Variants in SPANXN2 observed in about 807,000 individuals in gnomAD.
The protein encoded by SPANXN2 is sperm protein associated with the nucleus on the X chromosome N2.
SPANXN2 carries 1 observed loss-of-function variant against 2.0 expected under a neutral mutation model. That is an observed-to-expected ratio of 0.50 (90% CI 0.18 to 2.36). SPANXN2 has a LOEUF of 2.36. SPANXN2 is among the 30% of genes most tolerant of loss of function. The pLI is 0.26. For synonymous variants in SPANXN2, 43 were observed against 49.8 expected (o/e 0.86, Z 0.58); for missense variants, 88 against 116.7 (o/e 0.75, Z 1.13).
chrX:143,713,905 CT>C (rs1932211192), intron 1 of SPANXN2, among the ~76,000 whole-genome samples: 4 of 103,477 alleles, frequency 3.9e-5, no homozygotes, highest in Non-Finnish European at 7.9e-5. Context: ...CTCTCTCTCT[CT>C]CTCTCTCTCT....
exon 1 of SPANXN2, chrX:143,720,641 C>A: frequency 8.3e-7 from 1 of 1,211,344 alleles, no homozygotes; most frequent in Non-Finnish European, 1.1e-6. Context: ...CTCTTCTCCC[C>A]ATTGGTGCTT....
At chrX:143,718,117 CAACT>C (rs1490141440) in intron 1 of SPANXN2, among the ~76,000 whole-genome samples, 3 of 111,341 alleles carry the variant, frequency 2.7e-5, no homozygotes, top group African/African-American at 9.8e-5. Flanking sequence ...TAAAAAACAA[CAACT>C]AACCAAACTC....
At chrX:143,717,607 C>CTGTACTTTCATATG (rs1932290764) in intron 1 of SPANXN2, among the ~76,000 whole-genome samples, 1 of 112,375 alleles carries the variant, frequency 8.9e-6, no homozygotes, top group East Asian at 2.8e-4. Flanking sequence ...AAAAAACCTT[C>CTGTACTTTCATATG]TGTACTTTCA....
chrX:143,712,713 C>T (rs1602677941), intron 1 of SPANXN2, among the ~76,000 whole-genome samples: 1 of 111,149 alleles, frequency 9.0e-6, no homozygotes, highest in African/African-American at 3.3e-5. Flanking sequence ...CACGATTTCG[C>T]AAGTTCTTTG....
At chrX:143,713,610 G>A (rs782205921) in intron 1 of SPANXN2, among the ~76,000 whole-genome samples, 8 of 110,935 alleles carry the variant, frequency 7.2e-5, no homozygotes, top group East Asian at 5.7e-4. Flanking sequence ...TGAATAGTAC[G>A]GGGCTGCCCC....
At chrX:143,718,741 C>T (rs1932312143) in intron 1 of SPANXN2, among the ~76,000 whole-genome samples, 1 of 111,611 alleles carries the variant, frequency 9.0e-6, no homozygotes, top group Non-Finnish European at 1.9e-5. Flanking sequence ...GGTTTCCCTT[C>T]CCCATGACCC....
intron 1 of SPANXN2, among the ~76,000 whole-genome samples, chrX:143,718,051 A>G (rs1932299537): frequency 9.0e-6 from 1 of 111,409 alleles, no homozygotes; most frequent in South Asian, 3.8e-4. Context: ...AAGGCTCTAA[A>G]CATTAAATGG....
chrX:143,720,533 C>T, intron 1 of SPANXN2, 58 bp downstream of exon 1: 2 of 1,158,086 alleles, frequency 1.7e-6, no homozygotes, highest in Non-Finnish European at 2.3e-6. Flanking sequence ...TTGAGCCGTC[C>T]CTTCTCTGTG....
chrX:143,714,029 C>A (rs1236352024), intron 1 of SPANXN2, among the ~76,000 whole-genome samples: 1 of 108,469 alleles, frequency 9.2e-6, no homozygotes, highest in Non-Finnish European at 1.9e-5. Context: ...TTCAACCTGG[C>A]CAACACACCC....
In SPANXN2 at chrX:143,712,441, GT is replaced by G. The variant is rs1932180438; in HGVS notation, c.136del (p.Thr46GlnfsTer2). 1.7e-6 allele frequency: 2 copies of G among 1,212,041 alleles called. No homozygotes were observed. Among genetic ancestry groups the G allele is most frequent in the Non-Finnish European group, 2.2e-6 (2 of 895,601 alleles). On this transcript the variant is annotated frameshift_variant, in exon 2 of 2. Transcript: ENST00000598475. LOFTEE classifies it low-confidence loss of function (END_TRUNC). ...CACTATTATTGTTAGATATTCTATT[GT>G]TTTTGTCTTTTGCAAGCTCTGTTTG...
chrX:143,719,214 C>T (rs1257904463), intron 1 of SPANXN2, among the ~76,000 whole-genome samples: 1 of 110,936 alleles, frequency 9.0e-6, no homozygotes, highest in African/African-American at 3.3e-5. Context: ...TGTTACCAGT[C>T]GGATTCCAGA....
chrX:143,716,683 G>A (rs1239580270), intron 1 of SPANXN2, among the ~76,000 whole-genome samples: 1 of 111,747 alleles, frequency 8.9e-6, no homozygotes, highest in Non-Finnish European at 1.9e-5. Flanking sequence ...TCTGTCATCC[G>A]AGGCTGGTCA....
intron 1 of SPANXN2, among the ~76,000 whole-genome samples, chrX:143,717,411 G>A (rs1314561219): frequency 9.0e-6 from 1 of 111,253 alleles, no homozygotes; most frequent in Non-Finnish European, 1.9e-5. Flanking sequence ...TGCCAAAACC[G>A]AGAAAAACCT....
At chrX:143,712,999 C>G (rs782754884) in intron 1 of SPANXN2, among the ~76,000 whole-genome samples, 2 of 111,716 alleles carry the variant, frequency 1.8e-5, no homozygotes, top group African/African-American at 6.5e-5. Context: ...AGTACCCCAG[C>G]CTGTAAGCGG....
chrX:143,720,244 C>T (rs1218891906), intron 1 of SPANXN2, among the ~76,000 whole-genome samples: 1 of 110,885 alleles, frequency 9.0e-6, no homozygotes, highest in Admixed American at 9.6e-5. Context: ...GCCTAATCGT[C>T]GTAACACAAG....
intron 1 of SPANXN2, among the ~76,000 whole-genome samples, chrX:143,712,856 G>A (rs1210001056): frequency 9.0e-6 from 1 of 111,474 alleles, no homozygotes; most frequent in Non-Finnish European, 1.9e-5. Flanking sequence ...ATCTTGCTTG[G>A]CAAAGTTCTA....
At chrX:143,719,563 C>A (rs782126989) in intron 1 of SPANXN2, among the ~76,000 whole-genome samples, 1 of 112,122 alleles carries the variant, frequency 8.9e-6, no homozygotes, top group Non-Finnish European at 1.9e-5. Flanking sequence ...GCCACCATAA[C>A]CTACAACTTT....
intron 1 of SPANXN2, among the ~76,000 whole-genome samples, chrX:143,715,718 C>T (rs782448508): frequency 2.8e-5 from 3 of 106,348 alleles, no homozygotes; most frequent in Non-Finnish European, 5.8e-5. Flanking sequence ...TATTCTCAAG[C>T]CTGTTAACTC....
At chrX:143,717,603 C>T (rs1439989162) in intron 1 of SPANXN2, among the ~76,000 whole-genome samples, 2 of 112,217 alleles carry the variant, frequency 1.8e-5, no homozygotes, top group Non-Finnish European at 3.8e-5. Context: ...GTTTAAAAAA[C>T]CTTCTGTACT....
Sources: allele counts gnomAD v4.1 joint callset (sites outside exome capture counted in the v4.1 genomes callset), GRCh38; gene constraint gnomAD v4.1.1; transcripts MANE v1.5; gene names NCBI Gene and HGNC (gene_info 2026-07-23, HGNC 2026-07-21).